ATG13: variants seen among roughly 807,000 people sequenced by gnomAD.
The protein encoded by ATG13 is autophagy related 13, also known as autophagy-related protein 13.
A neutral mutation model predicts 65.5 loss-of-function variants in ATG13; 23 were observed. That is an observed-to-expected ratio of 0.35 (90% confidence interval 0.25 to 0.50). The LOEUF (loss-of-function observed/expected upper bound fraction) is 0.50. Ranked by LOEUF, ATG13 falls within the 20% of genes least tolerant of loss-of-function variation. The pLI, the probability that ATG13 is intolerant of heterozygous loss-of-function variation, is 0.98. For synonymous variants in ATG13, 252 were observed against 245.2 expected (o/e 1.03, Z -0.26); for missense variants, 566 against 677.0 (o/e 0.84, Z 1.82).
chr11:46,658,185 AT>A (rs2060419834), intron 10 of ATG13, among the ~76,000 whole-genome samples: 1 of 152,256 alleles, frequency 6.6e-6, no homozygotes, highest in East Asian at 1.9e-4. Context: ...CATCTGGCAC[AT>A]TAGTTTCATA....
intron 11 of ATG13, chr11:46,659,978 T>C (rs1465629804): frequency 6.5e-6 from 1 of 153,502 alleles, no homozygotes; most frequent in Non-Finnish European, 1.4e-5. Context: ...ACCATTAACT[T>C]TTCCACTTCA....
chr11:46,647,735 C>G (rs1009208837), intron 5 of ATG13, among the ~76,000 whole-genome samples: 2 of 150,444 alleles, frequency 1.3e-5, no homozygotes, highest in Non-Finnish European at 3.0e-5. Context: ...CCACACATGG[C>G]TAATGTTTAA....
intron 7 of ATG13, among the ~76,000 whole-genome samples, chr11:46,654,223 C>T (rs1482051109): frequency 5.9e-5 from 7 of 118,702 alleles, no homozygotes; most frequent in Non-Finnish European, 8.9e-5. Context: ...GCTTGAGCCC[C>T]GGAGTTTCAG....
rs2063985383 is a variant in ATG13, at chr11:46,672,471, A to G, written c.*139A>G. The G allele has an allele frequency of 6.5e-7, 1 of 1,542,464 alleles. No homozygotes were observed. The highest frequency in any genetic ancestry group is 8.7e-7 in the Non-Finnish European group (1 of 1,145,668). On this transcript the variant is annotated 3_prime_UTR_variant, in exon 19 of 19. Coordinates refer to ENST00000683050, the MANE Select transcript of ATG13 (RefSeq NM_001346311.2). ...GCTGGCTTCTCCCATGGGGACCCAGAAGTCCCTACTCTTGGACCTCCTGGA... is the reference window on the plus strand; with the variant it reads ...GCTGGCTTCTCCCATGGGGACCCAGGAGTCCCTACTCTTGGACCTCCTGGA...
intron 3 of ATG13, 148 bp from the exon 4 acceptor site, chr11:46,645,191 A>T: frequency 1.7e-6 from 1 of 605,114 alleles, no homozygotes; most frequent in Non-Finnish European, 2.8e-6. Context: ...CTCAAAAATT[A>T]AAATTATACT....
chr11:46,650,158 A>G lies in ATG13; in HGVS notation c.318-19A>G. ...AGCGCTAAATAGAAGAATGCTGACC[A>G]TATCTTTGTGCCTGGCAGGTGTGAT... On this transcript the variant is annotated intron_variant, in intron 6 of 18. Coordinates refer to ENST00000683050, the MANE Select transcript of ATG13 (RefSeq NM_001346311.2). 1.2e-6 allele frequency: 2 copies of G among 1,612,560 alleles called. No homozygotes were observed. The highest frequency in any genetic ancestry group is 1.7e-6 in the Non-Finnish European group (2 of 1,178,910).
rs1490016508 is a variant in ATG13, at chr11:46,650,160, A to G, written c.318-17A>G. ...CGCTAAATAGAAGAATGCTGACCAT[A>G]TCTTTGTGCCTGGCAGGTGTGATAA... On this transcript the variant is annotated splice_polypyrimidine_tract_variant and intron_variant, in intron 6 of 18. Coordinates refer to ENST00000683050, the MANE Select transcript of ATG13 (RefSeq NM_001346311.2). The G allele has an allele frequency of 3.7e-6, 6 of 1,612,716 alleles. No individual in the cohort carries two copies. Among genetic ancestry groups the G allele is most frequent in the African/African-American group, 1.3e-5 (1 of 75,040 alleles).
intron 7 of ATG13, among the ~76,000 whole-genome samples, chr11:46,655,969 A>G (rs2059966622): frequency 6.6e-6 from 1 of 152,132 alleles, no homozygotes; most frequent in African/African-American, 2.4e-5. Context: ...CCTGGCCTCA[A>G]GTGATCCTCC....
intron 2 of ATG13, among the ~76,000 whole-genome samples, chr11:46,635,400 T>A (rs2053604849): frequency 2.0e-5 from 3 of 152,212 alleles, no homozygotes; most frequent in Non-Finnish European, 4.4e-5. Context: ...TGTGTAATGA[T>A]CAAATCAGGG....
chr11:46,649,295 T>A, intron 6 of ATG13, 112 bp downstream of exon 6: 1 of 1,227,370 alleles, frequency 8.1e-7, no homozygotes, highest in Non-Finnish European at 1.1e-6. Context: ...TCTGACCACT[T>A]AACAAAGCCA....
chr11:46,626,492 C>T (rs961288378), intron 1 of ATG13, among the ~76,000 whole-genome samples: 2 of 152,222 alleles, frequency 1.3e-5, no homozygotes, highest in Non-Finnish European at 1.5e-5. Flanking sequence ...TCAGGTGATC[C>T]GTCCGCCTCC....
In ATG13 at chr11:46,668,596, C is replaced by G; in HGVS notation, c.1329+20C>G. Reference sequence around the variant, plus strand: ...CCAATGGTGAGCCCACCGTTGACTACGAGTTCCCAGTAGATGGTGCGCTAG... The same window carrying G: ...CCAATGGTGAGCCCACCGTTGACTAGGAGTTCCCAGTAGATGGTGCGCTAG... On this transcript the variant is annotated intron_variant, in intron 16 of 18. Transcript: ENST00000683050. The G allele has an allele frequency of 1.2e-6, 2 of 1,609,160 alleles. No individual in the cohort carries two copies. Among genetic ancestry groups the G allele is most frequent in the Non-Finnish European group, 1.7e-6 (2 of 1,175,394 alleles).
chr11:46,623,367 G>A (rs117253152), intron 1 of ATG13, among the ~76,000 whole-genome samples: 1 of 152,150 alleles, frequency 6.6e-6, no homozygotes, highest in Non-Finnish European at 1.5e-5. Context: ...TTTATGCTGG[G>A]TGAAAGTTTT....
chr11:46,668,321 TG>T (rs1272978457), intron 15 of ATG13, among the ~76,000 whole-genome samples, 177 bp from the exon 16 acceptor site: 2 of 152,090 alleles, frequency 1.3e-5, no homozygotes, highest in African/African-American at 2.4e-5. Context: ...GTGTATGTGA[TG>T]GGGGACAGGG....
chr11:46,655,086 G>A (rs2059751610), intron 7 of ATG13, among the ~76,000 whole-genome samples: 1 of 150,924 alleles, frequency 6.6e-6, no homozygotes. Flanking sequence ...GCGACAGAGC[G>A]AGACACTGTC....
Position 46,645,793 on chromosome 11 carries a change from T to C in ATG13, c.151-77T>C, listed in dbSNP as rs528286189. ...TTAATCAGCCACAGCAATACTTGCA[T>C]TACCCAGCATACACTAATTTCTTTT... On this transcript the variant is annotated intron_variant, in intron 4 of 18. Coordinates refer to ENST00000683050, the MANE Select transcript of ATG13 (RefSeq NM_001346311.2). 30 of 1,571,510 alleles carry C rather than the reference T, an allele frequency of 1.9e-5. 1 individual carries two copies. The South Asian group carries it at 2.8e-4, about 14-fold the overall frequency.
intron 1 of ATG13, among the ~76,000 whole-genome samples, chr11:46,623,407 C>G (rs962280317): frequency 2.0e-5 from 3 of 152,086 alleles, no homozygotes; most frequent in Non-Finnish European, 4.4e-5. Context: ...CATATGATGG[C>G]AACTAGTTTT....
intron 14 of ATG13, among the ~76,000 whole-genome samples, chr11:46,666,205 G>A (rs1192877348): frequency 1.3e-5 from 2 of 152,192 alleles, no homozygotes; most frequent in African/African-American, 2.4e-5. Flanking sequence ...GGAAGCTGGC[G>A]TGGAACTTCA....
Position 46,639,853 on chromosome 11 carries a change from A to AT in ATG13, c.-13-4406dup, listed in dbSNP as rs377458204. ...CTGTACTTCAGGATCTGCTTATGCAATTTTTTTTTTTTTTTTTTTTGACAG... is the reference window on the plus strand; with the variant it reads ...CTGTACTTCAGGATCTGCTTATGCAATTTTTTTTTTTTTTTTTTTTTGACAG... On this transcript the variant is annotated intron_variant, in intron 2 of 18. Coordinates refer to ENST00000683050, the MANE Select transcript of ATG13 (RefSeq NM_001346311.2). 5.1e-3 allele frequency among the ~76,000 whole-genome samples: 647 copies of AT among 126,968 alleles called. 10 individuals carry two copies. The highest frequency in any genetic ancestry group is 0.023 in the East Asian group (107 of 4,640). The allele number at this position is 126,968 out of a possible 152,430, so 83.3% of individuals were successfully genotyped here.
Sources: gnomAD v4.1 joint callset for allele counts (sites outside exome capture counted in the v4.1 genomes callset) on GRCh38, gnomAD v4.1.1 for gene constraint, MANE v1.5 for transcripts, NCBI Gene and HGNC (gene_info 2026-07-23, HGNC 2026-07-21) for gene names.